FAM227B: variants seen among roughly 807,000 people sequenced by gnomAD.
FAM227B encodes family with sequence similarity 227 member B, also known as protein FAM227B.
A neutral mutation model predicts 73.8 loss-of-function variants in FAM227B; 88 were observed. That is an observed-to-expected ratio of 1.19 (90% confidence interval 1.00 to 1.42). The LOEUF (loss-of-function observed/expected upper bound fraction) is 1.42, where lower values mean the gene tolerates loss of function less well. Ranked by LOEUF, FAM227B falls within the 40% of genes most tolerant of loss-of-function variation. The pLI is 0.00. For synonymous variants in FAM227B, 210 were observed against 190.5 expected (o/e 1.10, Z -0.84); for missense variants, 632 against 590.9 (o/e 1.07, Z -0.72).
At chr15:49,590,727 A>T (rs1393893212) in intron 3 of FAM227B, among the ~76,000 whole-genome samples, 1 of 152,178 alleles carries the variant, frequency 6.6e-6, no homozygotes, top group Non-Finnish European at 1.5e-5. Context: ...AGTACACCAT[A>T]CATTATTATT....
intron 5 of FAM227B, among the ~76,000 whole-genome samples, chr15:49,584,571 T>C (rs1458437620): frequency 1.3e-5 from 2 of 152,144 alleles, no homozygotes; most frequent in African/African-American, 4.8e-5. Context: ...AAGGAAGTCA[T>C]ACTACCCTGT....
intron 11 of FAM227B, among the ~76,000 whole-genome samples, chr15:49,469,798 G>A (rs538964881): frequency 1.3e-5 from 2 of 152,228 alleles, no homozygotes; most frequent in South Asian, 4.1e-4. Flanking sequence ...ATGAGATTGA[G>A]AAGCTACTGG....
At chr15:49,414,697 C>T (rs1366707723) in intron 11 of FAM227B, among the ~76,000 whole-genome samples, 1 of 151,220 alleles carries the variant, frequency 6.6e-6, no homozygotes, top group Non-Finnish European at 1.5e-5. Flanking sequence ...TGAACTATAA[C>T]AATAACTTGA....
At chr15:49,393,669 T>C (rs2047370283) in intron 11 of FAM227B, among the ~76,000 whole-genome samples, 1 of 152,128 alleles carries the variant, frequency 6.6e-6, no homozygotes, top group African/African-American at 2.4e-5. Context: ...GGATTGGCTC[T>C]TACAAGGCTG....
At chr15:49,616,078 C>G (rs1433818445) in intron 1 of FAM227B, among the ~76,000 whole-genome samples, 1 of 152,116 alleles carries the variant, frequency 6.6e-6, no homozygotes, top group Non-Finnish European at 1.5e-5. Flanking sequence ...GAACCTGAAC[C>G]TGAAATTATG....
Position 49,600,883 on chromosome 15 carries a change from A to T in FAM227B, c.105+10332T>A, listed in dbSNP as rs534859706. Among the ~76,000 whole-genome samples, 129 of 151,046 alleles carry T rather than the reference A, an allele frequency of 8.5e-4. 5 individuals are homozygous for T. The South Asian group carries it at 0.026, about 30-fold the overall frequency. On this transcript the variant is annotated intron_variant, in intron 3 of 15. Coordinates refer to ENST00000299338, the MANE Select transcript of FAM227B (RefSeq NM_152647.3). Reference sequence around the variant, plus strand: ...TGGTGAAACCCCATCTCTACTAAAAATACCAAAAATTAGCTGGGTGTGGTG... The same window carrying T: ...TGGTGAAACCCCATCTCTACTAAAATTACCAAAAATTAGCTGGGTGTGGTG...
chr15:49,375,736 G>A (rs987227174), intron 11 of FAM227B, among the ~76,000 whole-genome samples: 3 of 152,032 alleles, frequency 2.0e-5, no homozygotes, highest in Admixed American at 1.3e-4. Flanking sequence ...AAAACTTAGA[G>A]CATACCGTCT....
intron 10 of FAM227B, among the ~76,000 whole-genome samples, chr15:49,540,163 G>T (rs1345260902): frequency 6.6e-6 from 1 of 152,226 alleles, no homozygotes; most frequent in Non-Finnish European, 1.5e-5. Flanking sequence ...CCTGAAGACA[G>T]AAAGGATGAA....
chr15:49,599,093 G>GT (rs1354000733), intron 3 of FAM227B, among the ~76,000 whole-genome samples: 2 of 151,934 alleles, frequency 1.3e-5, no homozygotes, highest in East Asian at 3.8e-4. Flanking sequence ...TTATTGGGAG[G>GT]TTTTCAATTA....
chr15:49,328,296 AGAAATGGTT>A lies in FAM227B; in HGVS notation c.*263_*271del. 1 of 1,438,436 alleles carries A rather than the reference AGAAATGGTT, an allele frequency of 7.0e-7. No homozygotes were observed. Among genetic ancestry groups the A allele is most frequent in the Non-Finnish European group, 9.1e-7 (1 of 1,099,156 alleles). The allele number at this position is 1,438,436 out of a possible 1,614,324, so 89.1% of individuals were successfully genotyped here. Reference sequence around the variant, plus strand: ...CTATTATATCAAGATATATTTTCAAAGAAATGGTTGAAAGCTCTCTATGCTTCATAATGA... The same window carrying A: ...CTATTATATCAAGATATATTTTCAAAGAAAGCTCTCTATGCTTCATAATGA... On this transcript the variant is annotated 3_prime_UTR_variant, in exon 16 of 16. Transcript: ENST00000299338.
chr15:49,498,271 T>G (rs887545622), intron 11 of FAM227B, among the ~76,000 whole-genome samples: 1 of 152,228 alleles, frequency 6.6e-6, no homozygotes, highest in African/African-American at 2.4e-5. Context: ...ATCAGTTATG[T>G]GGCTTTAGGA....
chr15:49,404,948 T>A (rs2048417289), intron 11 of FAM227B, among the ~76,000 whole-genome samples: 1 of 152,162 alleles, frequency 6.6e-6, no homozygotes, highest in African/African-American at 2.4e-5. Flanking sequence ...GCAGTTCTGG[T>A]GGTAACTAAT....
intron 10 of FAM227B, among the ~76,000 whole-genome samples, chr15:49,523,673 G>A (rs942900548): frequency 5.3e-5 from 8 of 152,224 alleles, no homozygotes; most frequent in African/African-American, 1.4e-4. Context: ...GGAGGGCCCA[G>A]AAGACAGGAA....
At chr15:49,375,643 G>A (rs1191795706) in intron 11 of FAM227B, among the ~76,000 whole-genome samples, 1 of 152,050 alleles carries the variant, frequency 6.6e-6, no homozygotes, top group East Asian at 1.9e-4. Context: ...TGCTGGTGAA[G>A]AAACTTATTG....
rs1436677229 is a variant in FAM227B, at chr15:49,590,003, T to A, written c.110A>T (p.Tyr37Phe). The change falls in exon 4 of 16, where the codon TAT becomes TTT. Residue 37 changes from tyrosine to phenylalanine, a missense_variant. Coordinates refer to ENST00000299338, the MANE Select transcript of FAM227B (RefSeq NM_152647.3). ...TCTAAAATGGATTTCCCTTGGCCAATAATCCTGCAAAAAACGTGAAAGAGA... is the reference window on the plus strand; with the variant it reads ...TCTAAAATGGATTTCCCTTGGCCAAAAATCCTGCAAAAAACGTGAAAGAGA... The part of the protein sequence containing the change: ...EEFLKFQNWD[Y>F]WPREIHFRDD... The A allele has an allele frequency of 6.6e-7, 1 of 1,507,018 alleles. No individual in the cohort carries two copies. The highest frequency in any genetic ancestry group is 1.1e-5 in the South Asian group (1 of 87,426). 93.4% of individuals were successfully genotyped at this position (1,507,018 alleles called of 1,614,324 possible).
chr15:49,472,225 T>C lies in FAM227B; in HGVS notation c.1012+35986A>G, dbSNP rs138808308. 5.8e-3 allele frequency among the ~76,000 whole-genome samples: 882 copies of C among 152,314 alleles called. 8 individuals are homozygous for C. The highest frequency in any genetic ancestry group is 0.02 in the African/African-American group (845 of 41,568). ...TCAGTTTGGCTTAAAAAATTGTTTA[T>C]TTCTCCATGCAATAAACATCTGGAG... On this transcript the variant is annotated intron_variant, in intron 11 of 15. Transcript: ENST00000299338.
chr15:49,338,322 G>A (rs998041538), intron 13 of FAM227B, among the ~76,000 whole-genome samples: 2 of 152,128 alleles, frequency 1.3e-5, no homozygotes, highest in Admixed American at 1.3e-4. Context: ...GGCAGGCCTG[G>A]TGGTGACAAA....
chr15:49,341,221 T>C (rs1277320131), intron 13 of FAM227B, among the ~76,000 whole-genome samples: 1 of 152,220 alleles, frequency 6.6e-6, no homozygotes, highest in Non-Finnish European at 1.5e-5. Flanking sequence ...TTGTTCTTTT[T>C]GCTTAGGATT....
intron 13 of FAM227B, among the ~76,000 whole-genome samples, chr15:49,354,583 C>G (rs967198181): frequency 6.6e-6 from 1 of 152,212 alleles, no homozygotes; most frequent in African/African-American, 2.4e-5. Context: ...CCGCACCTGG[C>G]TGGAAGGGTC....
Sources: allele counts gnomAD v4.1 joint callset (sites outside exome capture counted in the v4.1 genomes callset), GRCh38; gene constraint gnomAD v4.1.1; transcripts MANE v1.5; gene names NCBI Gene and HGNC (gene_info 2026-07-23, HGNC 2026-07-21).